CADPS2: variants seen among roughly 807,000 people sequenced by gnomAD.
CADPS2 encodes the protein calcium dependent secretion activator 2, also known as calcium-dependent secretion activator 2.
Under a neutral mutation model 172.5 loss-of-function variants are expected in CADPS2, and 93 were observed. The observed-to-expected ratio is 0.54, with a 90% CI of 0.46 to 0.64. CADPS2 has a LOEUF of 0.64. CADPS2 is among the 30% of genes least tolerant of loss of function. The pLI, the probability that CADPS2 is intolerant of heterozygous loss-of-function variation, is 0.00. For missense variants in CADPS2, 1,420 were observed against 1,565.9 expected (o/e 0.91, Z 1.57); for synonymous variants, 546 against 555.2 (o/e 0.98, Z 0.23).
rs149498398 is a variant in CADPS2 at position 122,527,916 on chromosome 7, GAGAA to G, written c.1476-14605_1476-14602del. ...AAATAATGAGAGAGACAGACAAACA[GAGAA>G]AGAGAGAGAACCTAAATGATTCTCT... On this transcript the variant is annotated intron_variant, in intron 8 of 29. Coordinates refer to ENST00000449022, the MANE Select transcript of CADPS2 (RefSeq NM_017954.11). 1.5e-4 allele frequency among the ~76,000 whole-genome samples: 23 copies of G among 152,250 alleles called. 1 individual carries two copies. The East Asian group carries it at 4.2e-3, about 28-fold the overall frequency.
chr7:122,564,851 A>ACG (rs761109316), intron 7 of CADPS2, among the ~76,000 whole-genome samples: 7 of 97,968 alleles, frequency 7.1e-5, no homozygotes, highest in Non-Finnish European at 1.9e-4. Flanking sequence ...ACACATGCAC[A>ACG]CACACACACA....
intron 9 of CADPS2, among the ~76,000 whole-genome samples, chr7:122,495,043 G>A (rs187565336): frequency 6.2e-4 from 95 of 152,068 alleles, no homozygotes; most frequent in African/African-American, 2.1e-3. Flanking sequence ...CTAAAAAGAA[G>A]TCCTTTCTCT....
At chr7:122,785,459 A>G (rs915959870) in intron 1 of CADPS2, among the ~76,000 whole-genome samples, 5 of 152,144 alleles carry the variant, frequency 3.3e-5, no homozygotes, top group African/African-American at 1.2e-4. Context: ...GAGTCTCTGG[A>G]GGAGGTACCC....
intron 20 of CADPS2, among the ~76,000 whole-genome samples, chr7:122,401,825 C>T (rs1172970197): frequency 1.3e-5 from 2 of 152,026 alleles, no homozygotes; most frequent in African/African-American, 2.4e-5. Flanking sequence ...ATCAGTTTTG[C>T]TCTGGGAGTC....
intron 8 of CADPS2, among the ~76,000 whole-genome samples, chr7:122,530,051 G>T (rs2061624654): frequency 6.6e-6 from 1 of 151,840 alleles, no homozygotes. Flanking sequence ...TATTTACTTT[G>T]GGCAGTTTAG....
At chr7:122,573,183 C>T (rs557695511) in intron 7 of CADPS2, among the ~76,000 whole-genome samples, 3 of 152,230 alleles carry the variant, frequency 2.0e-5, no homozygotes, top group African/African-American at 7.2e-5. Flanking sequence ...GTTTAAAATA[C>T]TCCCTCCTTG....
intron 18 of CADPS2, among the ~76,000 whole-genome samples, chr7:122,415,107 G>A (rs79562476): frequency 0.011 from 1,701 of 152,316 alleles, 30 homozygotes; most frequent in African/African-American, 0.039. Context: ...GATCTTTAGT[G>A]AATGTTAATA....
At chr7:122,863,855 C>A (rs1353872446) in intron 1 of CADPS2, among the ~76,000 whole-genome samples, 2 of 152,098 alleles carry the variant, frequency 1.3e-5, no homozygotes, top group African/African-American at 4.8e-5. Context: ...CATGGCAAAA[C>A]CCCATCTCTA....
chr7:122,839,432 A>T (rs954667771), intron 1 of CADPS2, among the ~76,000 whole-genome samples: 1 of 152,244 alleles, frequency 6.6e-6, no homozygotes, highest in Non-Finnish European at 1.5e-5. Flanking sequence ...GACAAATGGG[A>T]TCTAACTAAA....
chr7:122,446,354 T>C (rs1161321201), intron 15 of CADPS2, among the ~76,000 whole-genome samples: 2 of 152,314 alleles, frequency 1.3e-5, no homozygotes, highest in East Asian at 1.9e-4. Flanking sequence ...GATCTCTGTA[T>C]TCAGGAATGC....
intron 1 of CADPS2, among the ~76,000 whole-genome samples, chr7:122,833,435 T>C (rs1584756189): frequency 6.6e-6 from 1 of 152,206 alleles, no homozygotes; most frequent in Middle Eastern, 3.4e-3. Context: ...ACTGCAACCT[T>C]TGCCTCCCGG....
intron 25 of CADPS2, chr7:122,379,164 A>ATTTAT: frequency 2.5e-6 from 1 of 402,496 alleles, no homozygotes; most frequent in Non-Finnish European, 4.5e-6. Flanking sequence ...AAAAGCCAAA[A>ATTTAT]TTTATTATAT....
At chr7:122,447,733 C>T (rs13239245) in intron 15 of CADPS2, among the ~76,000 whole-genome samples, 69 of 150,904 alleles carry the variant, frequency 4.6e-4, no homozygotes, top group Non-Finnish European at 5.9e-4. Context: ...TTGTATTTTT[C>T]GTAGAAACAG....
chr7:122,619,570 T>C (rs2075347853), intron 5 of CADPS2, among the ~76,000 whole-genome samples: 1 of 152,060 alleles, frequency 6.6e-6, no homozygotes, highest in African/African-American at 2.4e-5. Flanking sequence ...GAGGTTGTGG[T>C]GAGCAGAGAT....
chr7:122,574,032 C>A (rs1245428336), intron 7 of CADPS2, among the ~76,000 whole-genome samples: 1 of 151,996 alleles, frequency 6.6e-6, no homozygotes, highest in African/African-American at 2.4e-5. Context: ...AAATGTTTAT[C>A]TTTACTATGT....
intron 1 of CADPS2, among the ~76,000 whole-genome samples, chr7:122,872,574 T>C (rs1281655853): frequency 6.6e-6 from 1 of 152,066 alleles, no homozygotes; most frequent in African/African-American, 2.4e-5. Context: ...TAGGCTAAAG[T>C]TGTCTTGTTA....
At chr7:122,726,741 G>C (rs1274020510) in intron 2 of CADPS2, among the ~76,000 whole-genome samples, 2 of 121,458 alleles carry the variant, frequency 1.6e-5, no homozygotes, top group Non-Finnish European at 3.5e-5. Context: ...AAAGAAAATT[G>C]TAACCGTAAA....
At chr7:122,532,629 C>T (rs2061877111) in intron 8 of CADPS2, among the ~76,000 whole-genome samples, 1 of 143,836 alleles carries the variant, frequency 7.0e-6, no homozygotes, top group East Asian at 2.2e-4. Flanking sequence ...TCAGGTGATG[C>T]TGACGCTGCT....
At chr7:122,749,675 ATATT>A (rs1339907968) in intron 1 of CADPS2, among the ~76,000 whole-genome samples, 1 of 152,168 alleles carries the variant, frequency 6.6e-6, no homozygotes, top group African/African-American at 2.4e-5. Flanking sequence ...AAATCATTTT[ATATT>A]TATTACCTTC....
Sources: allele counts gnomAD v4.1 joint callset (sites outside exome capture counted in the v4.1 genomes callset), GRCh38; gene constraint gnomAD v4.1.1; transcripts MANE v1.5; gene names NCBI Gene and HGNC (gene_info 2026-07-23, HGNC 2026-07-21).